Variants in CSGALNACT1 observed in about 807,000 individuals in gnomAD.
CSGALNACT1 encodes beta4GalNAcT-1.
In CSGALNACT1, 52 loss-of-function variants were observed where a neutral mutation model predicts 51.0. The ratio of observed to expected loss-of-function variants is 1.02; its 90% CI spans 0.82 to 1.29. The LOEUF is 1.29. CSGALNACT1 is among the 50% of genes most tolerant of loss of function. The pLI, the probability that CSGALNACT1 is intolerant of heterozygous loss-of-function variation, is 0.00. For synonymous variants in CSGALNACT1, 341 were observed against 254.4 expected, an observed-to-expected ratio of 1.34 and a Z score of -3.24; for missense variants, 935 against 679.2, an observed-to-expected ratio of 1.38 and a Z score of -4.19.
chr8:19,525,802 G>A (rs578193884), intron 3 of CSGALNACT1, among the ~76,000 whole-genome samples: 1 of 151,938 alleles, frequency 6.6e-6, no homozygotes, highest in Non-Finnish European at 1.5e-5. Context: ...CTGAACTGAG[G>A]CCCTAGAACC....
intron 3 of CSGALNACT1, among the ~76,000 whole-genome samples, chr8:19,515,337 G>A (rs1447225372): frequency 6.6e-6 from 1 of 152,122 alleles, no homozygotes; most frequent in Non-Finnish European, 1.5e-5. Flanking sequence ...GATGCTCCTT[G>A]AGTCTTCCCT....
At chr8:19,552,779 C>T (rs772120072) in intron 3 of CSGALNACT1, among the ~76,000 whole-genome samples, 51 of 152,174 alleles carry the variant, frequency 3.4e-4, no homozygotes, top group Non-Finnish European at 5.3e-4. Flanking sequence ...AAAAGAAAGT[C>T]TAACTGTAGC....
chr8:19,740,187 G>A (rs996787817), intron 1 of CSGALNACT1, among the ~76,000 whole-genome samples: 4 of 152,096 alleles, frequency 2.6e-5, no homozygotes, highest in African/African-American at 9.7e-5. Flanking sequence ...ATCCCACCTG[G>A]GCCACATCTG....
chr8:19,568,084 G>C (rs1019938962), intron 3 of CSGALNACT1, among the ~76,000 whole-genome samples: 8 of 152,084 alleles, frequency 5.3e-5, no homozygotes, highest in Non-Finnish European at 1.0e-4. Context: ...TCAAACATTG[G>C]TTTTTGCAAT....
At chr8:19,647,305 A>G (rs1456842160) in intron 1 of CSGALNACT1, among the ~76,000 whole-genome samples, 2 of 152,174 alleles carry the variant, frequency 1.3e-5, no homozygotes, top group Non-Finnish European at 2.9e-5. Context: ...TATTCCCAAC[A>G]CTGTGAGAGG....
chr8:19,498,528 G>A (rs940860853), intron 4 of CSGALNACT1, among the ~76,000 whole-genome samples: 11 of 151,390 alleles, frequency 7.3e-5, no homozygotes, highest in Non-Finnish European at 1.3e-4. Context: ...TTCAACTCAC[G>A]GAGAACACAT....
chr8:19,685,355 C>A (rs1018370011), upstream of CSGALNACT1, among the ~76,000 whole-genome samples: 1 of 152,108 alleles, frequency 6.6e-6, no homozygotes, highest in Non-Finnish European at 1.5e-5. Flanking sequence ...CAAAAATGAG[C>A]TGGGCTTGGT....
chr8:19,529,923 T>G (rs2082409695), intron 3 of CSGALNACT1, among the ~76,000 whole-genome samples: 3 of 152,308 alleles, frequency 2.0e-5, no homozygotes, highest in Middle Eastern at 3.4e-3. Flanking sequence ...CATATTTTAT[T>G]TTTTAAAATA....
rs540403817 is a variant in CSGALNACT1 at position 19,586,018 on chromosome 8, T to C, written c.-297+5142A>G. On this transcript the variant is annotated intron_variant, in intron 3 of 9. Coordinates refer to ENST00000454498, the Ensembl canonical transcript of CSGALNACT1. ...GAGTCCCCATATCACCTCAGTTTTCTTTCAACATGAAACCAATTCCCTCTA... is the reference window on the plus strand; with the variant it reads ...GAGTCCCCATATCACCTCAGTTTTCCTTCAACATGAAACCAATTCCCTCTA... 2.6e-5 allele frequency among the ~76,000 whole-genome samples: 4 copies of C among 152,300 alleles called. No individual in the cohort carries two copies. The East Asian group carries it at 7.7e-4, about 29-fold the overall frequency.
chr8:19,587,453 C>A (rs1269811475), intron 3 of CSGALNACT1, among the ~76,000 whole-genome samples: 1 of 152,188 alleles, frequency 6.6e-6, no homozygotes, highest in East Asian at 1.9e-4. Context: ...CCTCCCCCAC[C>A]TAGGATGGGG....
chr8:19,666,265 T>C (rs1038063681), intron 1 of CSGALNACT1, among the ~76,000 whole-genome samples: 5 of 152,206 alleles, frequency 3.3e-5, no homozygotes, highest in Admixed American at 2.0e-4. Context: ...ATTAAAACCA[T>C]CTATTGTCCT....
At chr8:19,601,001 C>T (rs1267388115) in intron 2 of CSGALNACT1, among the ~76,000 whole-genome samples, 3 of 152,108 alleles carry the variant, frequency 2.0e-5, no homozygotes, top group African/African-American at 7.2e-5. Flanking sequence ...TCTGCTGAAG[C>T]TTGGAACCAT....
chr8:19,602,302 C>T (rs1381301135), exon 1 of CSGALNACT1: 1 of 153,984 alleles, frequency 6.5e-6, no homozygotes, highest in Non-Finnish European at 1.4e-5. Flanking sequence ...TCTGCAAGGA[C>T]TGTGTTCAGC....
chr8:19,491,885 C>A (rs889598998), intron 4 of CSGALNACT1, among the ~76,000 whole-genome samples: 6 of 152,172 alleles, frequency 3.9e-5, no homozygotes, highest in African/African-American at 1.2e-4. Context: ...CATGAGTCCA[C>A]AGAATTAGCA....
intron 1 of CSGALNACT1, among the ~76,000 whole-genome samples, chr8:19,701,798 G>T (rs1004083454): frequency 6.6e-6 from 1 of 152,078 alleles, no homozygotes; most frequent in Non-Finnish European, 1.5e-5. Context: ...GGTAAGACTC[G>T]ACTTTCAATC....
At chr8:19,419,314 AG>A (rs1357874220) in intron 7 of CSGALNACT1, among the ~76,000 whole-genome samples, 2 of 152,164 alleles carry the variant, frequency 1.3e-5, no homozygotes, top group East Asian at 3.8e-4. Context: ...ACGCCTTGGG[AG>A]GGGGTGTGAA....
chr8:19,618,014 GATTAC>G (rs1460804853), intron 1 of CSGALNACT1, among the ~76,000 whole-genome samples: 5 of 151,846 alleles, frequency 3.3e-5, no homozygotes, highest in South Asian at 2.1e-4. Flanking sequence ...AAGCAGCTAG[GATTAC>G]AGGCCCTTGC....
At chr8:19,637,028 TA>T (rs112446820) in intron 1 of CSGALNACT1, among the ~76,000 whole-genome samples, 37,443 of 143,862 alleles carry the variant, frequency 0.26, 4,853 homozygotes, top group South Asian at 0.34. Flanking sequence ...TGTTCTCTAC[TA>T]AAAAAAAAAA....
chr8:19,628,256 A>C (rs1295388016), intron 1 of CSGALNACT1, among the ~76,000 whole-genome samples: 1 of 152,168 alleles, frequency 6.6e-6, no homozygotes, highest in Non-Finnish European at 1.5e-5. Context: ...AGGCCTCAGG[A>C]AACTTGTAAT....
Sources: allele counts gnomAD v4.1 joint callset (sites outside exome capture counted in the v4.1 genomes callset), GRCh38; gene constraint gnomAD v4.1.1; transcripts MANE v1.5; gene names NCBI Gene and HGNC (gene_info 2026-07-23, HGNC 2026-07-21).